The following ZNF808 variants were observed in gnomAD, a reference collection of about 807,000 sequenced individuals.
The protein encoded by ZNF808 is zinc finger protein 808.
Under a neutral mutation model 8.7 loss-of-function variants are expected in ZNF808, and 5 were observed. The observed-to-expected ratio is 0.58, with a 90% confidence interval of 0.30 to 1.21. The LOEUF (loss-of-function observed/expected upper bound fraction) is 1.21, where lower values mean the gene tolerates loss of function less well. ZNF808 is among the 50% of genes most tolerant of loss of function. ZNF808 has a pLI of 0.07. For missense variants in ZNF808, 1,103 were observed against 1,098.4 expected (o/e 1.00, Z -0.06); for synonymous variants, 380 against 366.0 (o/e 1.04, Z -0.44).
intron 2 of ZNF808, among the ~76,000 whole-genome samples, chr19:52,533,913 A>C (rs2059583201): frequency 6.7e-6 from 1 of 150,362 alleles, no homozygotes; most frequent in South Asian, 2.1e-4. Context: ...TAGGAAATTA[A>C]GTAATTCAAA....
intron 1 of ZNF808, among the ~76,000 whole-genome samples, chr19:52,530,704 T>C (rs554747857): frequency 7.1e-4 from 107 of 150,178 alleles, no homozygotes; most frequent in African/African-American, 2.6e-3. Context: ...AACATCAAAG[T>C]TGGGCCTGGT....
intron 1 of ZNF808, among the ~76,000 whole-genome samples, chr19:52,530,045 G>A (rs187434285): frequency 6.6e-6 from 1 of 151,608 alleles, no homozygotes; most frequent in Non-Finnish European, 1.5e-5. Context: ...ATGGCCCACC[G>A]CGTCTGGCCT....
intron 3 of ZNF808, among the ~76,000 whole-genome samples, chr19:52,546,496 T>G (rs963106724): frequency 6.6e-6 from 1 of 152,030 alleles, no homozygotes; most frequent in Non-Finnish European, 1.5e-5. Flanking sequence ...ATCATGATAG[T>G]TTTTAGATTT....
chr19:52,552,411 CTTTTT>C (rs777720809), intron 4 of ZNF808, among the ~76,000 whole-genome samples: 2 of 141,790 alleles, frequency 1.4e-5, no homozygotes, highest in Non-Finnish European at 3.1e-5. Flanking sequence ...TAACTTTTTT[CTTTTT>C]TTTTTTTTTC....
chr19:52,536,264 G>A (rs36679), intron 2 of ZNF808, among the ~76,000 whole-genome samples: 96,126 of 151,982 alleles, frequency 0.63, 32,236 homozygotes, highest in African/African-American at 0.86. Flanking sequence ...CTATAGGGCA[G>A]TGTATACACT....
chr19:52,541,132 A>G (rs540959868), intron 2 of ZNF808, among the ~76,000 whole-genome samples: 4 of 151,852 alleles, frequency 2.6e-5, no homozygotes, highest in African/African-American at 9.7e-5. Context: ...GTGTATTTTT[A>G]GTAGAGACGG....
chr19:52,553,244 A>G lies in ZNF808; in HGVS notation c.328A>G (p.Ile110Val), dbSNP rs1210983541. The G allele has an allele frequency of 4.1e-5, 66 of 1,613,896 alleles. No homozygotes were observed. The highest frequency in any genetic ancestry group is 5.4e-5 in the Non-Finnish European group (64 of 1,180,016). ...DFCFQEIEKE[I>V]HNIEFQCQED... is the part of the protein sequence containing the mutation. ...TTGCTTCCAGGAAATTGAGAAAGAA[A>G]TTCATAACATTGAGTTTCAGTGTCA... is the stretch of plus-strand genomic sequence containing the variant. The change falls in exon 5 of 5, where the codon ATT becomes GTT. Residue 110 changes from isoleucine to valine, a missense_variant. Coordinates refer to ENST00000359798, the MANE Select transcript of ZNF808 (RefSeq NM_001039886.4).
At chr19:52,566,618 C>T (rs1398125314), downstream of ZNF808, among the ~76,000 whole-genome samples, 2 of 152,206 alleles carry the variant, frequency 1.3e-5, no homozygotes, top group Non-Finnish European at 2.9e-5. Context: ...GGGGCAGAAG[C>T]TCAGTCTGTC....
chr19:52,531,960 G>A (rs913510747), intron 1 of ZNF808, among the ~76,000 whole-genome samples: 5 of 152,200 alleles, frequency 3.3e-5, no homozygotes, highest in Non-Finnish European at 7.3e-5. Flanking sequence ...CTTATAGTGT[G>A]TGCTGGTGGT....
Position 52,547,612 on chromosome 19 carries a change from A to T in ZNF808, c.164A>T (p.Glu55Val). Residue 55 changes from glutamate to valine, a missense_variant, in exon 4 of 5, where the codon GAG becomes GTG. Coordinates refer to ENST00000359798, the MANE Select transcript of ZNF808 (RefSeq NM_001039886.4). ...GCTTTGTACAGGGAAGTGATGTTGGAGAACTACAGGAACCTGGAGGCTGTG... is the reference window on the plus strand; with the variant it reads ...GCTTTGTACAGGGAAGTGATGTTGGTGAACTACAGGAACCTGGAGGCTGTG... ...QRALYREVML[E>V]NYRNLEAVDI... The T allele has an allele frequency of 1.9e-6, 3 of 1,614,050 alleles. No homozygotes were observed. Among genetic ancestry groups the T allele is most frequent in the Non-Finnish European group, 2.5e-6 (3 of 1,179,982 alleles).
rs1211747850 is a variant in ZNF808 at position 52,555,652 on chromosome 19, C to T, written c.*24C>T. The T allele has an allele frequency of 1.3e-6, 2 of 1,582,266 alleles. No homozygotes were observed. Among genetic ancestry groups the T allele is most frequent in the Admixed American group, 1.8e-5 (1 of 56,322 alleles). ...AATATAATGATTGTCACAAAGTCTT[C>T]AGTAACACTACAACAATTGCAAATC... On this transcript the variant is annotated 3_prime_UTR_variant, in exon 5 of 5. Coordinates refer to ENST00000359798, the MANE Select transcript of ZNF808 (RefSeq NM_001039886.4).
Position 52,528,395 on chromosome 19 carries a change from C to G in ZNF808, c.-122+684C>G, listed in dbSNP as rs114381908. The stretch of plus-strand genomic sequence containing the variant: ...TGGGCCGAAGGGATCAGGAGACAGA[C>G]AGCAGTAGAAAACCTGAGACAGAGA... On this transcript the variant is annotated intron_variant, in intron 1 of 4. Coordinates refer to ENST00000359798, the MANE Select transcript of ZNF808 (RefSeq NM_001039886.4). Among the ~76,000 whole-genome samples, 730 of 152,234 alleles carry G rather than the reference C, an allele frequency of 4.8e-3. 5 individuals carry two copies. The highest frequency in any genetic ancestry group is 0.017 in the African/African-American group (695 of 41,516).
intron 2 of ZNF808, among the ~76,000 whole-genome samples, chr19:52,538,891 A>C (rs2059640470): frequency 6.6e-6 from 1 of 152,170 alleles, no homozygotes; most frequent in Non-Finnish European, 1.5e-5. Flanking sequence ...TAAATTATAC[A>C]GATGAGAATG....
intron 2 of ZNF808, among the ~76,000 whole-genome samples, chr19:52,536,569 G>C (rs1183092442): frequency 6.6e-6 from 1 of 152,136 alleles, no homozygotes; most frequent in Non-Finnish European, 1.5e-5. Flanking sequence ...CGCTTCCCCT[G>C]AACCAGCGTA....
intron 2 of ZNF808, among the ~76,000 whole-genome samples, chr19:52,539,491 A>T (rs1458102069): frequency 1.4e-5 from 2 of 147,996 alleles, no homozygotes; most frequent in Non-Finnish European, 3.0e-5. Flanking sequence ...ACTTGGCCTC[A>T]GTAATTGTTT....
At chr19:52,557,870 C>T (rs1039144714), downstream of ZNF808, among the ~76,000 whole-genome samples, 2 of 152,100 alleles carry the variant, frequency 1.3e-5, no homozygotes, top group African/African-American at 4.8e-5. Flanking sequence ...CACACCTTCT[C>T]ACTCATCTCA....
chr19:52,540,559 T>A (rs2059660811), intron 2 of ZNF808, among the ~76,000 whole-genome samples: 1 of 152,206 alleles, frequency 6.6e-6, no homozygotes, highest in Non-Finnish European at 1.5e-5. Context: ...TACCCTAACA[T>A]GAAAATTCAG....
chr19:52,552,231 A>T (rs1194054741), intron 4 of ZNF808, among the ~76,000 whole-genome samples: 3 of 151,696 alleles, frequency 2.0e-5, no homozygotes, highest in Non-Finnish European at 1.5e-5. Context: ...GTTATCCAGG[A>T]TGGTCTCGAT....
rs566942266 is a variant in ZNF808, at chr19:52,547,535, G to C, written c.87G>C (p.Val29=). 34 of 1,613,984 alleles carry C rather than the reference G, an allele frequency of 2.1e-5. 2 individuals carry two copies. In the South Asian group the frequency reaches 3.7e-4, roughly 18 times the overall value. ...AGGGACGCTTGACTTTCAGGGATGTGGCTATAGAATTCTCATTGGCAGAGT... is the reference window on the plus strand; with the variant it reads ...AGGGACGCTTGACTTTCAGGGATGTCGCTATAGAATTCTCATTGGCAGAGT... ...LPQGRLTFRD[V]AIEFSLAEWK... is the part of the protein sequence containing the mutation. Residue 29 remains valine (V), a synonymous_variant, in exon 4 of 5, where the codon GTG becomes GTC. Coordinates refer to ENST00000359798, the MANE Select transcript of ZNF808 (RefSeq NM_001039886.4).
Sources: gnomAD v4.1 joint callset for allele counts (sites outside exome capture counted in the v4.1 genomes callset) on GRCh38, gnomAD v4.1.1 for gene constraint, MANE v1.5 for transcripts, NCBI Gene and HGNC (gene_info 2026-07-23, HGNC 2026-07-21) for gene names.